The following MLIP variants were observed in gnomAD, a reference collection of about 807,000 sequenced individuals.
The protein encoded by MLIP is muscular LMNA interacting protein, also known as muscular LMNA-interacting protein.
MLIP carries 79 observed loss-of-function variants against 84.8 expected under a neutral mutation model. The ratio of observed to expected loss-of-function variants is 0.93; its 90% CI spans 0.78 to 1.12. The LOEUF (loss-of-function observed/expected upper bound fraction) is 1.12. Ranked by LOEUF, MLIP falls within the 50% of genes most tolerant of loss-of-function variation. The probability of loss-of-function intolerance (pLI) is 0.00; values close to 1 mark genes in which losing one functional copy is unlikely to be tolerated. For synonymous variants in MLIP, 504 were observed against 463.0 expected (o/e 1.09, Z -1.14); for missense variants, 1,257 against 1,160.6 (o/e 1.08, Z -1.21).
At chr6:54,247,531 A>G (rs555870236) in intron 12 of MLIP, among the ~76,000 whole-genome samples, 33 of 152,248 alleles carry the variant, frequency 2.2e-4, no homozygotes, top group South Asian at 6.2e-4. Context: ...GAAGGAAAAC[A>G]CTGGGTGTAC....
intron 4 of MLIP, among the ~76,000 whole-genome samples, chr6:54,146,529 A>G (rs1292689914): frequency 2.0e-5 from 3 of 152,196 alleles, no homozygotes; most frequent in African/African-American, 7.2e-5. Context: ...CAATGAGATA[A>G]GTTAGCAGGA....
Position 54,044,782 on chromosome 6 carries a change from T to C in MLIP, c.63+25691T>C, listed in dbSNP as rs1470046255. On this transcript the variant is annotated intron_variant, in intron 1 of 12. Coordinates refer to the MLIP transcript ENST00000274897. ...TAATGCCACATATATTGGAAAGAAATAGCAAGGGCCGATCAATGGAAAGGA... is the reference window on the plus strand; with the variant it reads ...TAATGCCACATATATTGGAAAGAAACAGCAAGGGCCGATCAATGGAAAGGA... Among the ~76,000 whole-genome samples the C allele has an allele frequency of 2.0e-5, 3 of 152,158 alleles. No homozygotes were observed. The East Asian group carries it at 5.8e-4, about 29-fold the overall frequency.
chr6:54,145,795 A>C (rs1342366974), intron 4 of MLIP, among the ~76,000 whole-genome samples: 31 of 98,784 alleles, frequency 3.1e-4, no homozygotes, highest in African/African-American at 9.7e-4. Flanking sequence ...CCTCCCCCAC[A>C]AAAAAAAAAA....
In MLIP at chr6:54,254,742, C is replaced by CCCTCCCGTCCTT. The variant is rs1554195171; in HGVS notation, c.2923-2563_2923-2562insCCCGTCCTTCCT. The stretch of plus-strand genomic sequence containing the variant: ...TAGAATCTTCTTTTTTTTTCTCCCT[C>CCCTCCCGTCCTT]CCTTCCTTCCTTCCTTCCTTCCTTC... On this transcript the variant is annotated intron_variant, in intron 12 of 13. Transcript: ENST00000502396. Among the ~76,000 whole-genome samples, 5 of 125,104 alleles carry CCCTCCCGTCCTT rather than the reference C, an allele frequency of 4.0e-5. No individual in the cohort carries two copies. The East Asian group carries it at 1.3e-3, about 32-fold the overall frequency. The allele number at this position is 125,104 out of a possible 152,430, so 82.1% of individuals were successfully genotyped here.
chr6:54,074,517 A>G (rs1766674335), intron 1 of MLIP, among the ~76,000 whole-genome samples: 2 of 152,168 alleles, frequency 1.3e-5, no homozygotes, highest in African/African-American at 2.4e-5. Context: ...TAACTTTGAT[A>G]TTTTGCGGTA....
chr6:54,117,317 C>A (rs1481453817), intron 1 of MLIP, among the ~76,000 whole-genome samples: 2 of 148,858 alleles, frequency 1.3e-5, no homozygotes, highest in Non-Finnish European at 3.0e-5. Context: ...CAGGTTCATG[C>A]TGTTCTCCTG....
At chr6:54,145,532 GAGGCTA>G (rs1188581877) in intron 4 of MLIP, among the ~76,000 whole-genome samples, 2 of 152,070 alleles carry the variant, frequency 1.3e-5, no homozygotes, top group East Asian at 3.9e-4. Flanking sequence ...AGCACTTTGG[GAGGCTA>G]AGGCAGGAGG....
intron 1 of MLIP, among the ~76,000 whole-genome samples, chr6:54,076,801 G>T (rs553125956): frequency 1.1e-4 from 17 of 152,052 alleles, no homozygotes; most frequent in Non-Finnish European, 1.8e-4. Context: ...GGTTGGTATT[G>T]TTTCTAGGCT....
At chr6:54,183,786 C>T (rs1214220328) in intron 9 of MLIP, among the ~76,000 whole-genome samples, 2 of 120,860 alleles carry the variant, frequency 1.7e-5, no homozygotes, top group Non-Finnish European at 3.2e-5. Flanking sequence ...CTCTCTGTTA[C>T]CAGGCTGGAG....
rs540754137 is a variant in MLIP at position 54,052,709 on chromosome 6, A to G, written c.63+33618A>G. The stretch of plus-strand genomic sequence containing the variant: ...GGAGATAAATTATAAGGAAAAAATT[A>G]TACTACTTATTGAAAAGGGGAGAGT... On this transcript the variant is annotated intron_variant, in intron 1 of 12. Transcript: ENST00000274897. Among the ~76,000 whole-genome samples, 3 of 152,316 alleles carry G rather than the reference A, an allele frequency of 2.0e-5. No individual in the cohort carries two copies. The East Asian group carries it at 5.8e-4, about 29-fold the overall frequency.
chr6:54,260,919 A>G (rs1050409050), intron 13 of MLIP, among the ~76,000 whole-genome samples: 9 of 151,910 alleles, frequency 5.9e-5, no homozygotes, highest in Non-Finnish European at 1.5e-5. Flanking sequence ...TTTATATGAC[A>G]CTTAAAATAC....
intron 12 of MLIP, among the ~76,000 whole-genome samples, chr6:54,234,265 G>A (rs9464041): frequency 0.031 from 4,728 of 151,978 alleles, 220 homozygotes; most frequent in African/African-American, 0.11. Context: ...GAATGCCTCC[G>A]TTTACTCATT....
chr6:54,210,137 T>TCACCGCACCGCACCG (rs368113481), intron 11 of MLIP, among the ~76,000 whole-genome samples: 3 of 151,738 alleles, frequency 2.0e-5, no homozygotes, highest in African/African-American at 7.3e-5. Context: ...CCACCTCACC[T>TCACCGCACCGCACCG]CACCGCACCG....
chr6:54,019,691 G>T (rs144604078), intron 1 of MLIP, among the ~76,000 whole-genome samples: 42 of 152,182 alleles, frequency 2.8e-4, no homozygotes, highest in African/African-American at 1.0e-3. Flanking sequence ...GATGAGCATA[G>T]GTCACTAATT....
intron 1 of MLIP, among the ~76,000 whole-genome samples, chr6:54,093,692 T>C (rs1349600291): frequency 6.6e-6 from 1 of 152,202 alleles, no homozygotes; most frequent in African/African-American, 2.4e-5. Context: ...AGGAGACAAC[T>C]GTGACCCATT....
chr6:54,163,528 G>T (rs1774871368), intron 8 of MLIP, among the ~76,000 whole-genome samples: 2 of 151,730 alleles, frequency 1.3e-5, no homozygotes, highest in South Asian at 4.1e-4. Context: ...ACTTCTGGTA[G>T]TTACATATAC....
intron 1 of MLIP, among the ~76,000 whole-genome samples, chr6:54,038,658 T>C (rs1423023145): frequency 6.6e-6 from 1 of 151,892 alleles, no homozygotes; most frequent in East Asian, 1.9e-4. Context: ...AGTCCAAATG[T>C]CTAGAAAACC....
chr6:54,023,172 ATAAT>A (rs1177040300), intron 1 of MLIP, among the ~76,000 whole-genome samples: 1,510 of 128,110 alleles, frequency 0.012, 20 homozygotes, highest in East Asian at 0.018. Context: ...ATCTCAAAAA[ATAAT>A]AATAATAATA....
intron 12 of MLIP, among the ~76,000 whole-genome samples, chr6:54,247,855 G>T (rs1044994389): frequency 6.6e-6 from 1 of 152,040 alleles, no homozygotes. Context: ...ATGGGATCTG[G>T]TACGGGGTCT....
Sources: allele counts gnomAD v4.1 joint callset (sites outside exome capture counted in the v4.1 genomes callset), GRCh38; gene constraint gnomAD v4.1.1; transcripts MANE v1.5; gene names NCBI Gene and HGNC (gene_info 2026-07-23, HGNC 2026-07-21).